The following FYN variants were observed in gnomAD, a reference collection of about 807,000 sequenced individuals.
FYN encodes the protein FYN proto-oncogene, Src family tyrosine kinase.
A neutral mutation model predicts 70.2 loss-of-function variants in FYN; 10 were observed. That is an observed-to-expected ratio of 0.14 (90% CI 0.09 to 0.24). The LOEUF is 0.24. Among genes scored for constraint, FYN ranks in the 10% least tolerant of loss-of-function variants. The pLI, the probability that FYN is intolerant of heterozygous loss-of-function variation, is 1.00. For synonymous variants in FYN, 236 were observed against 248.6 expected, an observed-to-expected ratio of 0.95 and a Z score of 0.48; for missense variants, 319 against 673.1, an observed-to-expected ratio of 0.47 and a Z score of 5.82.
chr6:111,794,430 T>C (rs929732318), intron 2 of FYN, among the ~76,000 whole-genome samples: 2 of 152,254 alleles, frequency 1.3e-5, no homozygotes, highest in African/African-American at 2.4e-5. Flanking sequence ...CAGTTCAAAA[T>C]GTACATGGAC....
intron 3 of FYN, among the ~76,000 whole-genome samples, chr6:111,744,026 G>T (rs572186661): frequency 1.3e-5 from 2 of 152,324 alleles, no homozygotes; most frequent in East Asian, 1.9e-4. Context: ...AGATTGGACC[G>T]CACAGTATTA....
At chr6:111,868,831 C>A (rs568082254) in intron 1 of FYN, among the ~76,000 whole-genome samples, 1 of 141,958 alleles carries the variant, frequency 7.0e-6, no homozygotes, top group East Asian at 1.9e-4. Flanking sequence ...TAAGTGAAAC[C>A]ACTTCATATT....
intron 2 of FYN, among the ~76,000 whole-genome samples, chr6:111,845,497 A>G (rs769679179): frequency 6.6e-6 from 1 of 152,238 alleles, no homozygotes; most frequent in African/African-American, 2.4e-5. Flanking sequence ...AGGTGCCTGC[A>G]TGGGGTCAAA....
chr6:111,673,047 G>A (rs776499503), intron 13 of FYN, among the ~76,000 whole-genome samples: 1 of 152,122 alleles, frequency 6.6e-6, no homozygotes, highest in Non-Finnish European at 1.5e-5. Context: ...CTCCCCAGTT[G>A]CATTTAACAC....
intron 2 of FYN, among the ~76,000 whole-genome samples, chr6:111,810,997 C>T (rs1050467451): frequency 6.6e-6 from 1 of 152,226 alleles, no homozygotes; most frequent in African/African-American, 2.4e-5. Context: ...CAAGCAACTG[C>T]TCCTCAATGA....
intron 3 of FYN, among the ~76,000 whole-genome samples, chr6:111,722,495 T>C (rs1801001531): frequency 1.3e-5 from 2 of 152,240 alleles, no homozygotes; most frequent in Admixed American, 1.3e-4. Context: ...TCCACATTTC[T>C]GCAAAGACCA....
intron 1 of FYN, among the ~76,000 whole-genome samples, chr6:111,852,277 T>C (rs953763366): frequency 5.9e-5 from 9 of 152,184 alleles, no homozygotes; most frequent in African/African-American, 1.9e-4. Flanking sequence ...TTATTCGAAA[T>C]GTACACTCAT....
Position 111,679,120 on chromosome 6 carries a change from C to G in FYN, c.1274-4490G>C, listed in dbSNP as rs562184309. Among the ~76,000 whole-genome samples the G allele has an allele frequency of 2.0e-5, 3 of 152,328 alleles. No individual in the cohort carries two copies. In the South Asian group the frequency reaches 6.2e-4, roughly 32 times the overall value. On this transcript the variant is annotated intron_variant, in intron 12 of 13. Transcript: ENST00000354650. ...CCTCTGCAACCTCTCCATTGCCCTTCTTTGACTGCTTTGCAAATGCCAAGC... is the reference window on the plus strand; with the variant it reads ...CCTCTGCAACCTCTCCATTGCCCTTGTTTGACTGCTTTGCAAATGCCAAGC...
At chr6:111,685,606 AGTTCC>A (rs1334759085) in intron 12 of FYN, among the ~76,000 whole-genome samples, 1 of 152,222 alleles carries the variant, frequency 6.6e-6, no homozygotes, top group African/African-American at 2.4e-5. Flanking sequence ...CAAATGCAGG[AGTTCC>A]TTTTGCCAGC....
intron 2 of FYN, among the ~76,000 whole-genome samples, chr6:111,819,505 C>G (rs1039234618): frequency 6.6e-6 from 1 of 152,016 alleles, no homozygotes. Context: ...AATATTCTTT[C>G]CTCTCTGAAC....
intron 1 of FYN, among the ~76,000 whole-genome samples, chr6:111,853,884 T>G (rs1773753257): frequency 2.6e-5 from 4 of 152,184 alleles, no homozygotes; most frequent in Admixed American, 2.6e-4. Context: ...ATATAGATTT[T>G]TAAAAGCTCA....
chr6:111,714,004 A>G (rs1382300347), intron 5 of FYN, among the ~76,000 whole-genome samples: 1 of 152,272 alleles, frequency 6.6e-6, no homozygotes, highest in Non-Finnish European at 1.5e-5. Flanking sequence ...TGGGTAGCCA[A>G]GGCTTGTGCC....
intron 9 of FYN, chr6:111,699,881 T>C (rs1799750686): frequency 3.1e-6 from 2 of 648,860 alleles, no homozygotes; most frequent in South Asian, 5.2e-5. Context: ...TAGTACAACT[T>C]GAGCCATTTG....
chr6:111,734,980 T>C (rs1442441342), intron 3 of FYN, among the ~76,000 whole-genome samples: 2 of 151,972 alleles, frequency 1.3e-5, no homozygotes, highest in East Asian at 1.9e-4. Context: ...GGGACTCAGG[T>C]TGGAGAGGGG....
At chr6:111,692,186 G>A (rs999611374) in intron 12 of FYN, among the ~76,000 whole-genome samples, 2 of 151,844 alleles carry the variant, frequency 1.3e-5, no homozygotes, top group Non-Finnish European at 2.9e-5. Flanking sequence ...AGGTGTTTGG[G>A]AAAGGGAGGA....
chr6:111,703,905 T>A (rs1799951849), intron 7 of FYN, 94 bp downstream of exon 7: 1 of 985,072 alleles, frequency 1.0e-6, no homozygotes, highest in South Asian at 1.4e-5. Flanking sequence ...TGTGCCATTT[T>A]AAAATCCTTG....
At chr6:111,775,311 G>T (rs1421986772) in intron 3 of FYN, among the ~76,000 whole-genome samples, 1 of 152,224 alleles carries the variant, frequency 6.6e-6, no homozygotes, top group Non-Finnish European at 1.5e-5. Flanking sequence ...TTGGGTGATT[G>T]TAGCAGAGGA....
intron 13 of FYN, among the ~76,000 whole-genome samples, chr6:111,673,792 T>C (rs1798417385): frequency 1.3e-5 from 2 of 152,176 alleles, no homozygotes. Context: ...GGCATGGGTG[T>C]CCTTTATGTC....
chr6:111,861,770 T>C (rs1010889640), intron 1 of FYN, among the ~76,000 whole-genome samples: 1 of 152,232 alleles, frequency 6.6e-6, no homozygotes, highest in Admixed American at 6.5e-5. Context: ...AGTTTCGTTA[T>C]AGAAATGACT....
Sources: allele counts gnomAD v4.1 joint callset (sites outside exome capture counted in the v4.1 genomes callset), GRCh38; gene constraint gnomAD v4.1.1; transcripts MANE v1.5; gene names NCBI Gene and HGNC (gene_info 2026-07-23, HGNC 2026-07-21).